Variants in CEP290 observed in about 807,000 individuals in gnomAD.
CEP290 encodes the protein centrosomal protein 290.
CEP290 carries 317 observed loss-of-function variants against 344.9 expected under a neutral mutation model. The ratio of observed to expected loss-of-function variants is 0.92; its 90% CI spans 0.84 to 1.01. The LOEUF is 1.01. Ranked by LOEUF, CEP290 falls within the 50% of genes least tolerant of loss-of-function variation. The probability of loss-of-function intolerance (pLI) is 0.00; values close to 1 mark genes in which losing one functional copy is unlikely to be tolerated. For missense variants in CEP290, 2,754 were observed against 2,761.4 expected, an observed-to-expected ratio of 1.00 and a Z score of 0.06; for synonymous variants, 932 against 895.8, an observed-to-expected ratio of 1.04 and a Z score of -0.72.
chr12:88,051,418 C>T (rs917551648), intron 52 of CEP290, among the ~76,000 whole-genome samples: 3 of 152,014 alleles, frequency 2.0e-5, no homozygotes, highest in Non-Finnish European at 4.4e-5. Flanking sequence ...AGAGTGGTCT[C>T]GAACTCCTGA....
At chr12:88,111,383 A>C in intron 21 of CEP290, 32 bp from the exon 22 acceptor site, 1 of 1,552,048 alleles carries the variant, frequency 6.4e-7, no homozygotes, top group South Asian at 1.2e-5. Flanking sequence ...TGAGAATCAC[A>C]ACTCTTACAC....
intron 31 of CEP290, 123 bp downstream of exon 31, chr12:88,088,909 G>C (rs1281976868): frequency 3.6e-6 from 2 of 562,880 alleles, no homozygotes; most frequent in African/African-American, 3.9e-5. Flanking sequence ...CTACTCAGGA[G>C]GCTGAGGCTA....
At position 88,054,788 on chromosome 12, in the gene CEP290, A is replaced by ATAGGGT. The variant is rs1413374226; in HGVS notation, c.6961-381_6961-376dup. Among the ~76,000 whole-genome samples, 8 of 152,206 alleles carry ATAGGGT rather than the reference A, an allele frequency of 5.3e-5. No individual in the cohort carries two copies. In the South Asian group the frequency reaches 1.4e-3, roughly 28 times the overall value. ...AGGATAAAGAGTGATGGCAAGTAGT[A>ATAGGGT]TAGGGTTAGGGTTAGGGTTAGGGAA... On this transcript the variant is annotated intron_variant, in intron 50 of 53. Transcript: ENST00000552810.
intron 13 of CEP290, among the ~76,000 whole-genome samples, chr12:88,121,613 CAA>C (rs34457278): frequency 0.096 from 13,187 of 136,926 alleles, 1,681 homozygotes; most frequent in African/African-American, 0.31. Flanking sequence ...ATGTGAATTT[CAA>C]AAAAAAAAAA....
intron 26 of CEP290, among the ~76,000 whole-genome samples, chr12:88,101,916 T>G (rs2037921266): frequency 6.6e-6 from 1 of 152,192 alleles, no homozygotes; most frequent in Admixed American, 6.5e-5. Flanking sequence ...CTGATTATGA[T>G]TACTTCTAAA....
intron 44 of CEP290, among the ~76,000 whole-genome samples, chr12:88,065,740 G>A (rs773218192): frequency 6.6e-6 from 1 of 152,106 alleles, no homozygotes; most frequent in East Asian, 1.9e-4. Context: ...GATCTCACAT[G>A]AGGATATTTT....
chr12:88,067,189 T>C (rs1274051435), intron 44 of CEP290, among the ~76,000 whole-genome samples: 1 of 150,370 alleles, frequency 6.7e-6, no homozygotes, highest in African/African-American at 2.4e-5. Context: ...ATTTATCTAA[T>C]ATAACATTAA....
rs1387686684 is a variant in CEP290 at position 88,120,446 on chromosome 12, A to G, written c.1360-170T>C. Reference sequence around the variant, plus strand: ...TTTATAAACCAAATCCAGTAATAATAATGATGTAATATGCAACAGTTAAAA... The same window carrying G: ...TTTATAAACCAAATCCAGTAATAATGATGATGTAATATGCAACAGTTAAAA... On this transcript the variant is annotated intron_variant, in intron 14 of 53. Coordinates refer to ENST00000552810, the MANE Select transcript of CEP290 (RefSeq NM_025114.4). Among the ~76,000 whole-genome samples, 3 of 152,218 alleles carry G rather than the reference A, an allele frequency of 2.0e-5. 1 individual carries two copies. The highest frequency in any genetic ancestry group is 2.0e-4 in the Admixed American group (3 of 15,272).
intron 40 of CEP290, 21 bp downstream of exon 40, chr12:88,077,676 C>A: frequency 1.5e-6 from 2 of 1,308,582 alleles, no homozygotes; most frequent in Admixed American, 2.2e-5. Context: ...CAGACATTAT[C>A]AGAGTTAAAT....
Position 88,086,712 on chromosome 12 carries a change from C to CATCCATCCATCCATCT in CEP290, c.4195-215_4195-214insAGATGGATGGATGGAT, listed in dbSNP as rs770390958. The stretch of plus-strand genomic sequence containing the variant: ...AAGTAAGGATTTCAGTCTATCCATC[C>CATCCATCCATCCATCT]ATCCATCCATCCATCCATCCATCCG... On this transcript the variant is annotated intron_variant, in intron 32 of 53. Coordinates refer to ENST00000552810, the MANE Select transcript of CEP290 (RefSeq NM_025114.4). Among the ~76,000 whole-genome samples the CATCCATCCATCCATCT allele has an allele frequency of 0.021, 3,132 of 151,910 alleles. 49 individuals are homozygous for CATCCATCCATCCATCT. Among genetic ancestry groups the CATCCATCCATCCATCT allele is most frequent in the Non-Finnish European group, 0.033 (2,253 of 67,904 alleles).
chr12:88,114,331 T>C (rs2038907110), intron 20 of CEP290, 89 bp downstream of exon 20: 2 of 1,012,394 alleles, frequency 2.0e-6, no homozygotes, highest in Non-Finnish European at 2.7e-6. Context: ...ACTAAAAATA[T>C]CTCATCAGAA....
At chr12:88,120,871 G>A (rs1361404029) in intron 14 of CEP290, 126 bp downstream of exon 14, 1 of 776,322 alleles carries the variant, frequency 1.3e-6, no homozygotes, top group African/African-American at 1.8e-5. Context: ...AAATTAATGA[G>A]GATAATCTTT....
chr12:88,100,856 C>G (rs1309702958), intron 26 of CEP290, among the ~76,000 whole-genome samples: 1 of 152,044 alleles, frequency 6.6e-6, no homozygotes. Context: ...AAATGGTTCC[C>G]TATATATAGA....
In CEP290 at chr12:88,131,257, A is replaced by G. The variant is rs1164437001; in HGVS notation, c.442-39T>C. On this transcript the variant is annotated intron_variant, in intron 6 of 53. Transcript: ENST00000552810. ...AAAAAAAAATAAATAAGAAGAAGAT[A>G]AAATTCAGCAGTAATTTTTTTTTTT... The G allele has an allele frequency of 3.6e-6, 5 of 1,391,170 alleles. No individual in the cohort carries two copies. The South Asian group carries it at 7.5e-5, about 21-fold the overall frequency. The allele number at this position is 1,391,170 out of a possible 1,614,324, so 86.2% of individuals were successfully genotyped here. A position where few individuals can be genotyped will look rare whatever the true frequency, so the allele number is the denominator to read the frequency against.
intron 22 of CEP290, among the ~76,000 whole-genome samples, chr12:88,110,224 A>G (rs2038582990): frequency 6.6e-6 from 1 of 152,158 alleles, no homozygotes; most frequent in Non-Finnish European, 1.5e-5. Context: ...ATGTGATGTT[A>G]TAGATAGTCA....
At chr12:88,090,222 T>C (rs17015450) in intron 30 of CEP290, among the ~76,000 whole-genome samples, 14,133 of 152,236 alleles carry the variant, frequency 0.093, 1,674 homozygotes, top group African/African-American at 0.28. Context: ...ATAATTCATC[T>C]ATAGGCATTT....
intron 21 of CEP290, 114 bp from the exon 22 acceptor site, chr12:88,111,465 T>C (rs2038685329): frequency 2.0e-6 from 2 of 1,014,844 alleles, no homozygotes; most frequent in Non-Finnish European, 2.8e-6. Context: ...CTTCAGTTTC[T>C]GCTTAGAAAT....
At chr12:88,060,334 C>T (rs1464056138) in intron 47 of CEP290, among the ~76,000 whole-genome samples, 1 of 152,102 alleles carries the variant, frequency 6.6e-6, no homozygotes, top group Non-Finnish European at 1.5e-5. Context: ...CCGCAGTGGG[C>T]GGATCACGAG....
chr12:88,117,068 A>G lies in CEP290; in HGVS notation c.1789T>C (p.Leu597=), dbSNP rs2039096949. 3 of 1,556,746 alleles carry G rather than the reference A, an allele frequency of 1.9e-6. No homozygotes were observed. In the South Asian group the frequency reaches 3.5e-5, roughly 18 times the overall value. Residue 597 remains leucine, a synonymous_variant, in exon 18 of 54, where the codon TTG becomes CTG. Coordinates refer to ENST00000552810, the MANE Select transcript of CEP290 (RefSeq NM_025114.4). ...GCTTCACTCATATTTTTGAGGCTCAATAAATCCAATTTTCTTTCACTTATT... is the reference window on the plus strand; with the variant it reads ...GCTTCACTCATATTTTTGAGGCTCAGTAAATCCAATTTTCTTTCACTTATT... ...DRISERKLDL[L]SLKNMSEAQS... is the part of the protein sequence containing the mutation.
Sources: gnomAD v4.1 joint callset for allele counts (sites outside exome capture counted in the v4.1 genomes callset) on GRCh38, gnomAD v4.1.1 for gene constraint, MANE v1.5 for transcripts, NCBI Gene and HGNC (gene_info 2026-07-23, HGNC 2026-07-21) for gene names.